Variants in SLC25A26 observed in about 807,000 individuals in gnomAD.
The protein encoded by SLC25A26 is solute carrier family 25 member 26.
A neutral mutation model predicts 37.8 loss-of-function variants in SLC25A26; 36 were observed. The observed-to-expected ratio is 0.95, with a 90% CI of 0.73 to 1.26. SLC25A26 has a LOEUF of 1.26. Among genes scored for constraint, SLC25A26 ranks in the 50% most tolerant of loss-of-function variants. The pLI, the probability that SLC25A26 is intolerant of heterozygous loss-of-function variation, is 0.00. For missense variants in SLC25A26, 390 were observed against 331.1 expected, an observed-to-expected ratio of 1.18 and a Z score of -1.38; for synonymous variants, 129 against 122.5, an observed-to-expected ratio of 1.05 and a Z score of -0.35.
chr3:66,282,033 C>T (rs1351107353), intron 5 of SLC25A26, among the ~76,000 whole-genome samples: 10 of 113,472 alleles, frequency 8.8e-5, no homozygotes, highest in South Asian at 2.9e-4. Flanking sequence ...GAGACGGAGT[C>T]TCGCTCTGTC....
Position 66,172,876 on chromosome 3 carries a change from T to C in SLC25A26, c.-354+38892T>C, listed in dbSNP as rs148042568. Among the ~76,000 whole-genome samples, 757 of 152,330 alleles carry C rather than the reference T, an allele frequency of 5.0e-3. 4 individuals are homozygous for C. Among genetic ancestry groups the C allele is most frequent in the Middle Eastern group, 0.024 (7 of 294 alleles). On this transcript the variant is annotated intron_variant, in intron 1 of 10. Transcript: ENST00000676754. Reference sequence around the variant, plus strand: ...CTTTTTATGAGGACACCAGTCATAATGGATGAGGGGCCCACCCTAGGCACC... The same window carrying C: ...CTTTTTATGAGGACACCAGTCATAACGGATGAGGGGCCCACCCTAGGCACC...
intron 5 of SLC25A26, among the ~76,000 whole-genome samples, chr3:66,300,251 G>GGTTTTTTTTTTTTTTTTTTTTTT (rs1553688691): frequency 9.0e-6 from 1 of 111,616 alleles, no homozygotes. Flanking sequence ...GGGTTTTTTT[G>GGTTTTTTTTTTTTTTTTTTTTTT]TTTTGTTTTT....
At chr3:66,295,699 C>T (rs545993560) in intron 5 of SLC25A26, among the ~76,000 whole-genome samples, 156 of 152,112 alleles carry the variant, frequency 1.0e-3, no homozygotes, top group African/African-American at 3.4e-3. Flanking sequence ...GAGGTTTCAC[C>T]ATGCTGGCCA....
intron 1 of SLC25A26, among the ~76,000 whole-genome samples, chr3:66,194,171 T>C (rs2070998816): frequency 6.6e-6 from 1 of 152,242 alleles, no homozygotes; most frequent in Non-Finnish European, 1.5e-5. Flanking sequence ...AAAGCCTCTA[T>C]GCCCCTTTAA....
intron 3 of SLC25A26, among the ~76,000 whole-genome samples, chr3:66,246,412 A>G (rs1363929470): frequency 6.6e-6 from 1 of 152,242 alleles, no homozygotes; most frequent in Non-Finnish European, 1.5e-5. Flanking sequence ...TATAGTAGCT[A>G]TTAGATTTCT....
Position 66,378,014 on chromosome 3 carries a change from G to T in SLC25A26, c.*207G>T, listed in dbSNP as rs964084367. ...TGCCAGAGAGCTAAGAGAAGAAAAC[G>T]GGGTCTGTGGCGGTACTCTGAACAA... On this transcript the variant is annotated 3_prime_UTR_variant, in exon 10 of 10. Transcript: ENST00000354883. 2 of 505,648 alleles carry T rather than the reference G, an allele frequency of 4.0e-6. No individual in the cohort carries two copies. Among genetic ancestry groups the T allele is most frequent in the Non-Finnish European group, 7.1e-6 (2 of 283,178 alleles). 31.3% of individuals were successfully genotyped at this position (505,648 alleles called of 1,614,324 possible).
chr3:66,319,514 A>G (rs2075634882), intron 5 of SLC25A26, among the ~76,000 whole-genome samples: 1 of 152,170 alleles, frequency 6.6e-6, no homozygotes, highest in African/African-American at 2.4e-5. Flanking sequence ...TTGCTTATCT[A>G]GCATTCTTAT....
chr3:66,289,012 T>C (rs1244190114), intron 5 of SLC25A26, among the ~76,000 whole-genome samples: 1 of 152,188 alleles, frequency 6.6e-6, no homozygotes, highest in Non-Finnish European at 1.5e-5. Context: ...TTTTAATGAT[T>C]GTCATTCTAT....
At chr3:66,218,744 A>G (rs1036859543), upstream of SLC25A26, among the ~76,000 whole-genome samples, 13 of 152,216 alleles carry the variant, frequency 8.5e-5, no homozygotes, top group Non-Finnish European at 1.3e-4. Flanking sequence ...CTACTATATC[A>G]TGAAGACACT....
At chr3:66,191,805 T>A (rs2070946909) in intron 1 of SLC25A26, among the ~76,000 whole-genome samples, 1 of 151,446 alleles carries the variant, frequency 6.6e-6, no homozygotes, top group African/African-American at 2.4e-5. Flanking sequence ...GCAAGATAAT[T>A]GCTTGAGCCC....
At chr3:66,366,073 A>G (rs1045633231) in intron 7 of SLC25A26, among the ~76,000 whole-genome samples, 3 of 152,208 alleles carry the variant, frequency 2.0e-5, no homozygotes, top group African/African-American at 7.2e-5. Context: ...AGGAGATAAT[A>G]GTTTTATCAT....
intron 9 of SLC25A26, among the ~76,000 whole-genome samples, chr3:66,376,584 A>C (rs1471311398): frequency 6.6e-6 from 1 of 152,062 alleles, no homozygotes; most frequent in Non-Finnish European, 1.5e-5. Flanking sequence ...CAATTTTTAG[A>C]CATAATTGCT....
chr3:66,153,221 T>A (rs1242152927), intron 1 of SLC25A26, among the ~76,000 whole-genome samples: 1 of 152,176 alleles, frequency 6.6e-6, no homozygotes, highest in Admixed American at 6.5e-5. Context: ...CATCTCATAA[T>A]GCACAGAAAA....
intron 1 of SLC25A26, among the ~76,000 whole-genome samples, chr3:66,183,405 C>T (rs560284980): frequency 3.9e-5 from 6 of 152,124 alleles, no homozygotes; most frequent in Admixed American, 3.9e-4. Context: ...CTGAGGCTAA[C>T]CCTATGCTCA....
At chr3:66,204,670 T>A (rs2071154861) in intron 1 of SLC25A26, among the ~76,000 whole-genome samples, 2 of 152,124 alleles carry the variant, frequency 1.3e-5, no homozygotes, top group Non-Finnish European at 2.9e-5. Context: ...GACAGGAACA[T>A]GTATAAGTTC....
chr3:66,290,372 A>G (rs2074664081), intron 5 of SLC25A26, among the ~76,000 whole-genome samples: 1 of 152,148 alleles, frequency 6.6e-6, no homozygotes, highest in Non-Finnish European at 1.5e-5. Flanking sequence ...GTGGTGAGAG[A>G]GGGCATCTTT....
chr3:66,187,711 C>T (rs1254430900), intron 1 of SLC25A26, among the ~76,000 whole-genome samples: 1 of 151,644 alleles, frequency 6.6e-6, no homozygotes, highest in Non-Finnish European at 1.5e-5. Context: ...ATAACCCCTA[C>T]ACTCACACAC....
At chr3:66,275,553 A>G (rs1052077411) in intron 5 of SLC25A26, among the ~76,000 whole-genome samples, 3 of 152,070 alleles carry the variant, frequency 2.0e-5, no homozygotes, top group Non-Finnish European at 2.9e-5. Context: ...TAACAAACCA[A>G]TGACTTAATC....
chr3:66,308,536 A>G (rs747333001), intron 5 of SLC25A26, among the ~76,000 whole-genome samples: 13 of 152,124 alleles, frequency 8.5e-5, no homozygotes, highest in African/African-American at 2.2e-4. Flanking sequence ...TTCCAGTACT[A>G]TGTTGAATAG....
Sources: gnomAD v4.1 joint callset for allele counts (sites outside exome capture counted in the v4.1 genomes callset) on GRCh38, gnomAD v4.1.1 for gene constraint, MANE v1.5 for transcripts, NCBI Gene and HGNC (gene_info 2026-07-23, HGNC 2026-07-21) for gene names.